NOTCH2: variants seen among roughly 807,000 people sequenced by gnomAD.
NOTCH2 encodes notch receptor 2.
In NOTCH2, 29 loss-of-function variants were observed where a neutral mutation model predicts 235.8. That is an observed-to-expected ratio of 0.12 (90% CI 0.09 to 0.17). NOTCH2 has a LOEUF of 0.17. Among genes scored for constraint, NOTCH2 ranks in the 10% least tolerant of loss-of-function variants. NOTCH2 has a pLI of 1.00. For missense variants in NOTCH2, 2,285 were observed against 3,150.2 expected (o/e 0.73, Z 6.57); for synonymous variants, 1,086 against 1,141.5 (o/e 0.95, Z 0.98).
In NOTCH2 at chr1:120,005,360, G is replaced by A. The variant is rs782518217; in HGVS notation, c.384C>T (p.Thr128=). The A allele has an allele frequency of 3.3e-5, 54 of 1,613,940 alleles. No homozygotes were observed. The highest frequency in any genetic ancestry group is 4.2e-5 in the Non-Finnish European group (50 of 1,179,888). The change falls in exon 3 of 34, where the codon ACC becomes ACT. Residue 128 remains threonine, a synonymous_variant. Coordinates refer to ENST00000256646, the MANE Select transcript of NOTCH2 (RefSeq NM_024408.4). Reference sequence around the variant, plus strand: ...ACCCGACTTGACAGGTGCACTCATAGGTATCCCGGCTGAGCATATGGCATG... The same window carrying A: ...ACCCGACTTGACAGGTGCACTCATAAGTATCCCGGCTGAGCATATGGCATG... ...GGTCHMLSRD[T]YECTCQVGFT... is the part of the protein sequence containing the mutation.
At chr1:119,929,479 G>C (rs957265013) in intron 22 of NOTCH2, among the ~76,000 whole-genome samples, 1 of 152,166 alleles carries the variant, frequency 6.6e-6, no homozygotes, top group East Asian at 1.9e-4. Flanking sequence ...CTATGGTGTA[G>C]GTCCTATTAT....
chr1:119,954,699 GC>G (rs1162174770), intron 13 of NOTCH2, among the ~76,000 whole-genome samples: 1 of 152,182 alleles, frequency 6.6e-6, no homozygotes, highest in African/African-American at 2.4e-5. Context: ...AAAATCAAAA[GC>G]TAGAACATTC....
At chr1:120,005,259 G>A in intron 3 of NOTCH2, 70 bp downstream of exon 3, 1 of 1,604,514 alleles carries the variant, frequency 6.2e-7, no homozygotes. Flanking sequence ...CAGACACCAT[G>A]ATCTAAAAGA....
intron 18 of NOTCH2, 30 bp from the exon 19 acceptor site, chr1:119,940,786 T>C (rs1650037754): frequency 2.5e-6 from 4 of 1,584,598 alleles, no homozygotes; most frequent in Middle Eastern, 1.7e-4. Context: ...ACATCAGCTA[T>C]GTATCTGGTG....
At chr1:119,998,682 A>G (rs1652579921) in intron 3 of NOTCH2, among the ~76,000 whole-genome samples, 1 of 152,046 alleles carries the variant, frequency 6.6e-6, no homozygotes, top group African/African-American at 2.4e-5. Flanking sequence ...AACTCCTTGA[A>G]TTTTTATTAT....
chr1:120,064,626 T>C (rs1655433480), intron 1 of NOTCH2, among the ~76,000 whole-genome samples: 1 of 150,778 alleles, frequency 6.6e-6, no homozygotes, highest in Non-Finnish European at 1.5e-5. Context: ...AGCACAGACC[T>C]GGCCCTCAAG....
rs1219533080 is a variant in NOTCH2, at chr1:119,915,609, T to G, written c.7113A>C (p.Pro2371=). Residue 2371 remains proline (P), a synonymous_variant, in exon 34 of 34, where the codon CCA becomes CCC. Transcript: ENST00000256646. ...QDGQVAQTIL[P]AYHPFPASVG... ...CAGAGGCTGGGAAAGGATGATAGGC[T>G]GGGAGAATGGTCTGAGCTACCTGCC... 6.2e-7 allele frequency: 1 copy of G among 1,614,004 alleles called. No homozygotes were observed. Among genetic ancestry groups the G allele is most frequent in the Admixed American group, 1.7e-5 (1 of 60,024 alleles).
At chr1:119,920,503 C>T (rs904603613) in intron 29 of NOTCH2, 106 bp from the exon 30 acceptor site, 1 of 1,266,956 alleles carries the variant, frequency 7.9e-7, no homozygotes, top group East Asian at 2.3e-5. Flanking sequence ...CCATTGTTTT[C>T]TCTCTTCCTA....
chr1:119,919,229 T>G, intron 31 of NOTCH2, 83 bp downstream of exon 31: 1,042 of 1,335,348 alleles, frequency 7.8e-4, no homozygotes, highest in Non-Finnish European at 1.0e-3. Context: ...ATAAATTCAA[T>G]GAGATATTAA....
intron 25 of NOTCH2, 28 bp from the exon 26 acceptor site, chr1:119,924,012 A>C: frequency 2.6e-6 from 4 of 1,561,274 alleles, no homozygotes; most frequent in Middle Eastern, 1.7e-4. Context: ...GAGAACAGGC[A>C]AAAGAGCTCA....
At chr1:119,924,667 G>A (rs915498862) in intron 25 of NOTCH2, among the ~76,000 whole-genome samples, 1 of 152,150 alleles carries the variant, frequency 6.6e-6, no homozygotes, top group African/African-American at 2.4e-5. Flanking sequence ...TTTCATGCTA[G>A]CTCAATCAGA....
Position 119,920,305 on chromosome 1 carries a change from C to A in NOTCH2, c.5403G>T (p.Arg1801Ser), listed in dbSNP as rs769458761. ...QQHLEAADIR[R>S]TPSLALTPPQ... The stretch of plus-strand genomic sequence containing the variant: ...GAGGGGTGAGAGCCAGCGATGGTGT[C>A]CTACGGATGTCTGCAGCTTCAAGGT... Residue 1801 changes from arginine to serine, a missense_variant, in exon 30 of 34, where the codon AGG (arginine) becomes AGT (serine). Physicochemically the swap from Arg to Ser is moderately radical, Grantham distance 110 (BLOSUM62 -1). Around this residue, in one of 6 missense-constraint regions of NOTCH2, gnomAD observed 1,173 missense variants for 1,515.3 expected, o/e 0.77. Transcript: ENST00000256646. The A allele has an allele frequency of 6.2e-6, 10 of 1,614,066 alleles. No homozygotes were observed. The East Asian group carries it at 2.0e-4, about 32-fold the overall frequency.
intron 2 of NOTCH2, among the ~76,000 whole-genome samples, chr1:120,015,522 A>C (rs1430337207): frequency 4.5e-5 from 6 of 133,488 alleles, no homozygotes; most frequent in Non-Finnish European, 9.7e-5. Context: ...CTGCCCCCCT[A>C]CTCTGTCCCC....
At position 119,950,846 on chromosome 1, in the gene NOTCH2, A is replaced by G. The variant is rs368664174; in HGVS notation, c.2366-9T>C. 18 of 1,584,940 alleles carry G rather than the reference A, an allele frequency of 1.1e-5. No individual in the cohort carries two copies. In the African/African-American group the frequency reaches 2.0e-4, roughly 18 times the overall value. ...CACCTGGCAGTTATAGCCTGTAGAC[A>G]AAAGGAAAAAACCAAAAACAGTAAA... On this transcript the variant is annotated splice_polypyrimidine_tract_variant and intron_variant, in intron 14 of 33. Transcript: ENST00000256646.
chr1:119,918,153 C>T (rs1649152328), intron 32 of NOTCH2, among the ~76,000 whole-genome samples: 1 of 152,204 alleles, frequency 6.6e-6, no homozygotes, highest in South Asian at 2.1e-4. Context: ...TAGGAAACTA[C>T]ATGGGAACAC....
At position 119,911,638 on chromosome 1, in the gene NOTCH2, A is replaced by C. The variant is rs1648900503; in HGVS notation, c.*3668T>G. The C allele has an allele frequency of 4.3e-6, 1 of 232,570 alleles. No homozygotes were observed. Among genetic ancestry groups the C allele is most frequent in the Admixed American group, 5.6e-5 (1 of 17,770 alleles). 14.4% of individuals were successfully genotyped at this position (232,570 alleles called of 1,614,324 possible). On this transcript the variant is annotated 3_prime_UTR_variant, in exon 34 of 34. Coordinates refer to ENST00000256646, the MANE Select transcript of NOTCH2 (RefSeq NM_024408.4). ...ATTTATACACAAAATATTATTTTAT[A>C]ATCCTGTATATTAAGTTCTACACAA...
At chr1:119,979,635 G>A (rs587614475) in intron 5 of NOTCH2, among the ~76,000 whole-genome samples, 213 of 152,272 alleles carry the variant, frequency 1.4e-3, no homozygotes, top group Non-Finnish European at 2.1e-3. Context: ...TGAAAATGTT[G>A]TGACATAATT....
At chr1:120,023,970 T>C (rs1653742079) in intron 2 of NOTCH2, among the ~76,000 whole-genome samples, 1 of 152,104 alleles carries the variant, frequency 6.6e-6, no homozygotes, top group African/African-American at 2.4e-5. Flanking sequence ...TAAATAACTC[T>C]TGAATTAATA....
intron 31 of NOTCH2, 124 bp downstream of exon 31, chr1:119,919,188 T>C (rs1327548805): frequency 1.5e-5 from 16 of 1,097,766 alleles, no homozygotes; most frequent in Middle Eastern, 2.9e-4. Flanking sequence ...AGCATGACTC[T>C]AATACCTGCC....
Sources: gnomAD v4.1 joint callset for allele counts (sites outside exome capture counted in the v4.1 genomes callset) on GRCh38, gnomAD v4.1.1 for gene constraint, gnomAD v4.1.1 regional missense constraint, MANE v1.5 for transcripts, NCBI Gene and HGNC (gene_info 2026-07-23, HGNC 2026-07-21) for gene names.